The following CNTNAP4 variants were observed in gnomAD, a reference collection of about 807,000 sequenced individuals.
The protein encoded by CNTNAP4 is contactin-associated protein-like 4.
In CNTNAP4, 98 loss-of-function variants were observed where a neutral mutation model predicts 148.4. That is an observed-to-expected ratio of 0.66 (90% CI 0.56 to 0.78). The LOEUF (loss-of-function observed/expected upper bound fraction) is 0.78. CNTNAP4 is among the 30% of genes least tolerant of loss of function. The pLI is 0.00. For missense variants in CNTNAP4, 1,935 were observed against 1,565.6 expected (o/e 1.24, Z -3.98); for synonymous variants, 730 against 565.1 (o/e 1.29, Z -4.14).
intron 4 of CNTNAP4, among the ~76,000 whole-genome samples, chr16:76,438,852 G>C (rs902515867): frequency 6.6e-6 from 1 of 152,070 alleles, no homozygotes; most frequent in Non-Finnish European, 1.5e-5. Flanking sequence ...TTAAATCTCC[G>C]TGTTCAAAAC....
At chr16:76,347,903 C>G (rs1235541531) in intron 2 of CNTNAP4, among the ~76,000 whole-genome samples, 3 of 152,172 alleles carry the variant, frequency 2.0e-5, no homozygotes, top group Non-Finnish European at 4.4e-5. Context: ...CTTCGTCTTT[C>G]ACTCTGTAGA....
intron 14 of CNTNAP4, among the ~76,000 whole-genome samples, chr16:76,496,315 C>T (rs945438839): frequency 4.6e-5 from 7 of 151,936 alleles, no homozygotes; most frequent in South Asian, 2.1e-4. Flanking sequence ...TGCTTAGCAA[C>T]AATAAAAATT....
chr16:76,527,776 G>T (rs1173953548), intron 17 of CNTNAP4, among the ~76,000 whole-genome samples: 4 of 152,020 alleles, frequency 2.6e-5, no homozygotes, highest in Non-Finnish European at 5.9e-5. Flanking sequence ...TTATAGATTT[G>T]TTCATTTGCT....
intron 3 of CNTNAP4, among the ~76,000 whole-genome samples, chr16:76,391,230 C>T (rs540050996): frequency 1.6e-4 from 24 of 152,204 alleles, no homozygotes; most frequent in African/African-American, 5.3e-4. Flanking sequence ...AGATTTCTCC[C>T]GCTCCTTTGC....
chr16:76,342,465 CTTTTT>C (rs397854943), intron 2 of CNTNAP4, among the ~76,000 whole-genome samples: 1 of 91,488 alleles, frequency 1.1e-5, no homozygotes, highest in Non-Finnish European at 2.0e-5. Context: ...TTGCTAATTT[CTTTTT>C]TTTTTTTTTT....
Position 76,300,486 on chromosome 16 carries a change from G to A in CNTNAP4, c.86-15927G>A, listed in dbSNP as rs140604571. ...ATAGGTGCACAAACCACCATGGCAC[G>A]TGTATACCTATGCAACAAACCTGCA... On this transcript the variant is annotated intron_variant, in intron 1 of 23. Transcript: ENST00000611870. 6.5e-3 allele frequency among the ~76,000 whole-genome samples: 986 copies of A among 150,616 alleles called. 4 individuals carry two copies. The highest frequency in any genetic ancestry group is 0.021 in the African/African-American group (880 of 41,028).
chr16:76,523,945 G>T (rs915534355), intron 17 of CNTNAP4, among the ~76,000 whole-genome samples: 3 of 151,906 alleles, frequency 2.0e-5, no homozygotes, highest in Non-Finnish European at 4.4e-5. Context: ...CAACAACAAA[G>T]AAATTATTTT....
rs896784063 is a variant in CNTNAP4, at chr16:76,447,930, T to C, written c.539-82T>C. On this transcript the variant is annotated intron_variant, in intron 4 of 23. Coordinates refer to ENST00000611870, the MANE Select transcript of CNTNAP4 (RefSeq NM_033401.5). ...TGTGTATGAGTACGTATACTGCCTT[T>C]TCTCAATATATAATGCATTTAAAAT... is the stretch of plus-strand genomic sequence containing the variant. The C allele has an allele frequency of 5.9e-5, 60 of 1,010,832 alleles. 1 individual carries two copies. Among genetic ancestry groups the C allele is most frequent in the Non-Finnish European group, 7.9e-5 (52 of 661,372 alleles). 62.6% of individuals were successfully genotyped at this position (1,010,832 alleles called of 1,614,324 possible). A position where few individuals can be genotyped will look rare whatever the true frequency, so the allele number is the denominator to read the frequency against.
At chr16:76,438,516 T>C (rs990452229) in intron 4 of CNTNAP4, among the ~76,000 whole-genome samples, 4 of 152,090 alleles carry the variant, frequency 2.6e-5, no homozygotes, top group African/African-American at 7.2e-5. Context: ...GTAAAGACTG[T>C]ACCTGAGGAC....
At chr16:76,407,181 C>T (rs2078625936) in intron 3 of CNTNAP4, among the ~76,000 whole-genome samples, 1 of 152,062 alleles carries the variant, frequency 6.6e-6, no homozygotes, top group South Asian at 2.1e-4. Context: ...AAAGCACAGG[C>T]AGATGACAGC....
chr16:76,557,232 T>A (rs918817031), intron 23 of CNTNAP4: 1 of 152,208 alleles, frequency 6.6e-6, no homozygotes, highest in Non-Finnish European at 1.5e-5. Context: ...TCACAACATA[T>A]GCTGTGTAAT....
At chr16:76,294,915 C>T (rs919239032) in intron 1 of CNTNAP4, among the ~76,000 whole-genome samples, 15 of 152,296 alleles carry the variant, frequency 9.8e-5, no homozygotes, top group East Asian at 3.9e-4. Flanking sequence ...TTTGTGACCA[C>T]ATTTTATGCT....
At chr16:76,376,012 G>A (rs1392309989) in intron 3 of CNTNAP4, among the ~76,000 whole-genome samples, 1 of 152,058 alleles carries the variant, frequency 6.6e-6, no homozygotes. Flanking sequence ...ACATGAAAGA[G>A]TTTGTGTGAA....
intron 1 of CNTNAP4, among the ~76,000 whole-genome samples, chr16:76,302,753 T>C (rs150253915): frequency 1.2e-3 from 180 of 152,282 alleles, no homozygotes; most frequent in Admixed American, 2.4e-3. Context: ...GGGAGGGGAT[T>C]ATCCTAGGCC....
rs1164144642 is a variant in CNTNAP4, at chr16:76,558,730, G to T, written c.*47G>T. On this transcript the variant is annotated 3_prime_UTR_variant, in exon 24 of 24. Coordinates refer to ENST00000611870, the MANE Select transcript of CNTNAP4 (RefSeq NM_033401.5). ...AAAATTATGATAGTTTGTTTTAATA[G>T]CCAGGGGTTCTCAATGGAAAAACGA... 3.3e-5 allele frequency: 48 copies of T among 1,433,704 alleles called. No individual in the cohort carries two copies. The highest frequency in any genetic ancestry group is 4.6e-5 in the Non-Finnish European group (48 of 1,047,898). The allele number at this position is 1,433,704 out of a possible 1,614,324, so 88.8% of individuals were successfully genotyped here.
At chr16:76,374,799 G>A (rs568996359) in intron 3 of CNTNAP4, among the ~76,000 whole-genome samples, 154 of 149,926 alleles carry the variant, frequency 1.0e-3, no homozygotes, top group African/African-American at 3.5e-3. Context: ...GAGAAGTCTC[G>A]CTCTTGTCCC....
At position 76,429,552 on chromosome 16, in the gene CNTNAP4, A is replaced by G. The variant is rs547063436; in HGVS notation, c.538+1953A>G. On this transcript the variant is annotated intron_variant, in intron 4 of 23. Coordinates refer to ENST00000611870, the MANE Select transcript of CNTNAP4 (RefSeq NM_033401.5). Reference sequence around the variant, plus strand: ...CACACCCTTAGTATGCATTAAACCTAGGATATAAACTCAATATTAACAAAT... The same window carrying G: ...CACACCCTTAGTATGCATTAAACCTGGGATATAAACTCAATATTAACAAAT... Among the ~76,000 whole-genome samples the G allele has an allele frequency of 4.6e-5, 7 of 152,298 alleles. No homozygotes were observed. The South Asian group carries it at 1.0e-3, about 23-fold the overall frequency.
At chr16:76,494,263 C>G (rs541613891) in intron 13 of CNTNAP4, among the ~76,000 whole-genome samples, 94 of 152,096 alleles carry the variant, frequency 6.2e-4, no homozygotes, top group Non-Finnish European at 1.1e-3. Context: ...CTGAGGGAAA[C>G]TTCCATTGAG....
intron 1 of CNTNAP4, among the ~76,000 whole-genome samples, chr16:76,300,512 C>T (rs997781285): frequency 6.6e-6 from 1 of 152,028 alleles, no homozygotes; most frequent in Non-Finnish European, 1.5e-5. Context: ...CAAACCTGCA[C>T]GTTTTGCACA....
Sources: allele counts gnomAD v4.1 joint callset (sites outside exome capture counted in the v4.1 genomes callset), GRCh38; gene constraint gnomAD v4.1.1; transcripts MANE v1.5; gene names NCBI Gene and HGNC (gene_info 2026-07-23, HGNC 2026-07-21).